The following MTM1 variants were observed in gnomAD, a reference collection of about 807,000 sequenced individuals.
The protein encoded by MTM1 is myotubularin.
In MTM1, 9 loss-of-function variants were observed where a neutral mutation model predicts 52.1. The observed-to-expected ratio is 0.17, with a 90% CI of 0.10 to 0.30. The LOEUF (loss-of-function observed/expected upper bound fraction) is 0.30, where lower values mean the gene tolerates loss of function less well. Ranked by LOEUF, MTM1 falls within the 10% of genes least tolerant of loss-of-function variation. The pLI is 1.00. For synonymous variants in MTM1, 136 were observed against 163.8 expected (o/e 0.83, Z 1.29); for missense variants, 277 against 470.7 (o/e 0.59, Z 3.81).
intron 4 of MTM1, among the ~76,000 whole-genome samples, chrX:150,603,809 G>A (rs1273245502): frequency 9.0e-6 from 1 of 111,668 alleles, no homozygotes; most frequent in East Asian, 2.8e-4. Context: ...TCATGAGCTG[G>A]GAAGAGTATG....
chrX:150,584,043 T>G (rs2038736416), intron 1 of MTM1, among the ~76,000 whole-genome samples: 1 of 95,397 alleles, frequency 1.0e-5, no homozygotes, highest in Non-Finnish European at 2.0e-5. Flanking sequence ...CAAATATATT[T>G]TTATATATGG....
chrX:150,574,276 G>A lies in MTM1; in HGVS notation c.-11+5614G>A, dbSNP rs187755316. Among the ~76,000 whole-genome samples, 54 of 111,557 alleles carry A rather than the reference G, an allele frequency of 4.8e-4. 1 individual carries two copies. The highest frequency in any genetic ancestry group is 4.7e-3 in the Admixed American group (49 of 10,495). ...CCATTACGCCTATGGCATGAAACAG[G>A]TTTTTCTTATTGATGGGGATTGCCC... On this transcript the variant is annotated intron_variant, in intron 1 of 14. Coordinates refer to ENST00000370396, the MANE Select transcript of MTM1 (RefSeq NM_000252.3).
intron 4 of MTM1, among the ~76,000 whole-genome samples, chrX:150,603,615 T>G (rs1257116993): frequency 8.9e-6 from 1 of 111,763 alleles, no homozygotes; most frequent in Non-Finnish European, 1.9e-5. Flanking sequence ...CTCCCATTCA[T>G]CTGAATAGAC....
At chrX:150,587,610 A>G in intron 1 of MTM1, among the ~76,000 whole-genome samples, 1 of 112,051 alleles carries the variant, frequency 8.9e-6, no homozygotes, top group Non-Finnish European at 1.9e-5. Context: ...GAATATGAAC[A>G]TTTATCTTGG....
At chrX:150,627,187 C>T (rs1022028414) in intron 6 of MTM1, among the ~76,000 whole-genome samples, 21 of 111,735 alleles carry the variant, frequency 1.9e-4, no homozygotes, top group African/African-American at 5.5e-4. Flanking sequence ...TGAAAATGAC[C>T]GAAGACCCTA....
rs782652121 is a variant in MTM1, at chrX:150,614,692, C to T, written c.335C>T (p.Thr112Ile). ...RGENSYGLDITCKDMRNLRFA... is the reference protein window; with the variant it reads ...RGENSYGLDIICKDMRNLRFA... ...GAAAATTCCTATGGTCTAGATATTA[C>T]TTGTAAAGTAAGAGATTCGATACTT... The change falls in exon 5 of 15, where the codon ACT becomes ATT. Residue 112 changes from threonine to isoleucine, a missense_variant. Thr to Ile is a moderately conservative substitution (Grantham distance 89, BLOSUM62 -1). Transcript: ENST00000370396. 15 of 1,097,347 alleles carry T rather than the reference C, an allele frequency of 1.4e-5. No homozygotes were observed. Among genetic ancestry groups the T allele is most frequent in the Non-Finnish European group, 1.8e-5 (14 of 795,086 alleles). The allele number at this position is 1,097,347 out of a possible 1,213,427, so 90.4% of individuals were successfully genotyped here.
intron 4 of MTM1, among the ~76,000 whole-genome samples, chrX:150,604,398 G>A (rs1445642233): frequency 9.0e-6 from 1 of 111,128 alleles, no homozygotes; most frequent in African/African-American, 3.3e-5. Flanking sequence ...TTTTCCCCTA[G>A]TGCTACCTCT....
Position 150,660,395 on chromosome X carries a change from G to T in MTM1, c.1378G>T (p.Glu460Ter), listed in dbSNP as rs587783786. Residue 460 changes from glutamate to a stop codon, truncating the protein, a stop_gained, in exon 13 of 15, where the codon GAA becomes TAA. Coordinates refer to ENST00000370396, the MANE Select transcript of MTM1 (RefSeq NM_000252.3). LOFTEE classifies it high-confidence loss of function. Reference protein sequence around the residue: ...KQFPTAFEFNEQFLIIILDHL... With the variant: ...KQFPTAFEFN ...GTTCCCTACAGCTTTTGAATTCAAT[G>T]AACAATTTTTGATTATAATTTTGGA... 1 of 1,196,836 alleles carries T rather than the reference G, an allele frequency of 8.4e-7. No homozygotes were observed. The highest frequency in any genetic ancestry group is 1.8e-5 in the South Asian group (1 of 56,597).
intron 6 of MTM1, among the ~76,000 whole-genome samples, chrX:150,629,094 A>T (rs1557413483): frequency 1.8e-5 from 2 of 110,105 alleles, no homozygotes; most frequent in African/African-American, 6.6e-5. Context: ...AGGTCTTTCT[A>T]CCTCCATTCT....
intron 8 of MTM1, among the ~76,000 whole-genome samples, chrX:150,643,818 G>T (rs1449987833): frequency 9.0e-6 from 1 of 111,563 alleles, no homozygotes; most frequent in Non-Finnish European, 1.9e-5. Context: ...ATTATCTATG[G>T]CTTCTAGATA....
intron 10 of MTM1, among the ~76,000 whole-genome samples, chrX:150,650,627 C>T (rs2040003837): frequency 9.0e-6 from 1 of 111,173 alleles, no homozygotes; most frequent in South Asian, 3.9e-4. Context: ...TCAAGTACCA[C>T]AGGCCCTTCC....
chrX:150,593,965 CAAAT>C (rs1490120488), intron 2 of MTM1, among the ~76,000 whole-genome samples: 2 of 110,756 alleles, frequency 1.8e-5, no homozygotes, highest in Non-Finnish European at 3.8e-5. Flanking sequence ...GATCCTGTCT[CAAAT>C]AAGTAAATAA....
At chrX:150,602,432 A>G (rs1370401789) in intron 4 of MTM1, among the ~76,000 whole-genome samples, 1 of 112,308 alleles carries the variant, frequency 8.9e-6, no homozygotes, top group East Asian at 2.8e-4. Context: ...CCTAGCTAGT[A>G]CAGTGTCCTG....
At chrX:150,576,225 T>C (rs2038469196) in intron 1 of MTM1, among the ~76,000 whole-genome samples, 1 of 111,468 alleles carries the variant, frequency 9.0e-6, no homozygotes, top group South Asian at 3.8e-4. Flanking sequence ...ATAAAGTGAG[T>C]TGAGATATTC....
chrX:150,655,129 T>C (rs1426745922), intron 10 of MTM1, among the ~76,000 whole-genome samples: 3 of 109,780 alleles, frequency 2.7e-5, no homozygotes, highest in African/African-American at 1.0e-4. Context: ...ATCGAGACCA[T>C]CCTGGCTAAC....
chrX:150,641,322 C>T lies in MTM1; in HGVS notation c.582C>T (p.Leu194=), dbSNP rs367912069. ...RITFINKCYE[L]CDTYPALLVV... ...CTTTTATTAATAAGTGCTATGAGCT[C>T]TGTGACACTTACCCTGCTCTTTTGG... Residue 194 remains leucine (L), a synonymous_variant, in exon 8 of 15, where the codon CTC becomes CTT. Coordinates refer to ENST00000370396, the MANE Select transcript of MTM1 (RefSeq NM_000252.3). 180 of 1,209,235 alleles carry T rather than the reference C, an allele frequency of 1.5e-4. 4 individuals are homozygous for T. In the East Asian group the frequency reaches 3.3e-3, roughly 22 times the overall value.
At chrX:150,607,124 A>T (rs2039182994) in intron 4 of MTM1, among the ~76,000 whole-genome samples, 1 of 108,321 alleles carries the variant, frequency 9.2e-6, no homozygotes, top group Non-Finnish European at 1.9e-5. Flanking sequence ...AGTAGCTGGG[A>T]TTACAGACAT....
At chrX:150,641,235 C>A in intron 7 of MTM1, 34 bp from the exon 8 acceptor site, 3 of 1,207,743 alleles carry the variant, frequency 2.5e-6, no homozygotes, top group Non-Finnish European at 3.4e-6. Flanking sequence ...TGAGGTCAAG[C>A]AATACTGACT....
chrX:150,656,801 A>G (rs1299738205), intron 10 of MTM1, among the ~76,000 whole-genome samples: 1 of 112,011 alleles, frequency 8.9e-6, no homozygotes, highest in Non-Finnish European at 1.9e-5. Context: ...CCCCATCAAC[A>G]TGTGGGCGAA....
Sources: allele counts gnomAD v4.1 joint callset (sites outside exome capture counted in the v4.1 genomes callset), GRCh38; gene constraint gnomAD v4.1.1; transcripts MANE v1.5; gene names NCBI Gene and HGNC (gene_info 2026-07-23, HGNC 2026-07-21).